PDE10A: variants seen among roughly 807,000 people sequenced by gnomAD.
The protein encoded by PDE10A is phosphodiesterase 10A, also known as cAMP and cAMP-inhibited cGMP 3',5'-cyclic phosphodiesterase 10A.
In PDE10A, 39 loss-of-function variants were observed where a neutral mutation model predicts 97.7. The observed-to-expected ratio is 0.40, with a 90% CI of 0.31 to 0.52. PDE10A has a LOEUF of 0.52. PDE10A is among the 20% of genes least tolerant of loss of function. PDE10A has a pLI of 0.56. For missense variants in PDE10A, 731 were observed against 1,047.8 expected, an observed-to-expected ratio of 0.70 and a Z score of 4.17; for synonymous variants, 371 against 376.8, an observed-to-expected ratio of 0.98 and a Z score of 0.18.
intron 1 of PDE10A, among the ~76,000 whole-genome samples, chr6:165,656,195 C>A (rs1056587593): frequency 1.3e-5 from 2 of 151,234 alleles, no homozygotes; most frequent in Admixed American, 6.6e-5. Flanking sequence ...ATTCTGATAT[C>A]TCTTTTCTCT....
At chr6:165,945,532 G>T (rs1280612767) in intron 1 of PDE10A, among the ~76,000 whole-genome samples, 2 of 152,190 alleles carry the variant, frequency 1.3e-5, no homozygotes, top group South Asian at 2.1e-4. Context: ...GGGTGATTAG[G>T]TCATGAGGGT....
chr6:165,732,989 G>T (rs1018246521), intron 1 of PDE10A, among the ~76,000 whole-genome samples: 4 of 152,222 alleles, frequency 2.6e-5, no homozygotes, highest in African/African-American at 9.6e-5. Flanking sequence ...CAGTTCTCTG[G>T]GATGCCAGTT....
At position 165,343,602 on chromosome 6, in the gene PDE10A, A is replaced by G. The variant is rs559837368; in HGVS notation, c.2784-100T>C. 4.1e-5 allele frequency: 33 copies of G among 805,684 alleles called. No individual in the cohort carries two copies. The East Asian group carries it at 5.2e-4, about 13-fold the overall frequency. 49.9% of individuals were successfully genotyped at this position (805,684 alleles called of 1,614,324 possible). On this transcript the variant is annotated intron_variant, in intron 18 of 21. Coordinates refer to ENST00000539869, the MANE Select transcript of PDE10A (RefSeq NM_001385079.1). Reference sequence around the variant, plus strand: ...TTTCAGGAGTGAAGTTTAAGTATGTATTACTTCATTAAAGAGCACACAGAA... The same window carrying G: ...TTTCAGGAGTGAAGTTTAAGTATGTGTTACTTCATTAAAGAGCACACAGAA...
At chr6:165,947,415 C>T (rs1028977452) in intron 1 of PDE10A, among the ~76,000 whole-genome samples, 2 of 152,256 alleles carry the variant, frequency 1.3e-5, no homozygotes, top group East Asian at 1.9e-4. Flanking sequence ...ATGTCTAGAT[C>T]TGCATTAAAC....
At position 165,656,565 on chromosome 6, in the gene PDE10A, C is replaced by T. The variant is rs115793298; in HGVS notation, c.865+5382G>A. Among the ~76,000 whole-genome samples the T allele has an allele frequency of 8.9e-3, 1,357 of 152,074 alleles. 18 individuals carry two copies. Among genetic ancestry groups the T allele is most frequent in the African/African-American group, 0.03 (1,230 of 41,476 alleles). On this transcript the variant is annotated intron_variant, in intron 1 of 21. Coordinates refer to ENST00000539869, the MANE Select transcript of PDE10A (RefSeq NM_001385079.1). The stretch of plus-strand genomic sequence containing the variant: ...TCTTCCATAGCTGTTTCTATACACT[C>T]GTCTGAGGGGTCATTGTAAAGTATC...
chr6:165,804,880 C>T (rs1303586775), intron 1 of PDE10A, among the ~76,000 whole-genome samples: 1 of 147,396 alleles, frequency 6.8e-6, no homozygotes, highest in African/African-American at 2.5e-5. Flanking sequence ...CGCCAGCGCG[C>T]GGAGGGGAGT....
At chr6:165,634,412 T>TGGTTCCCCTTATGTAAAACAAAG (rs1788779458) in intron 1 of PDE10A, among the ~76,000 whole-genome samples, 1 of 152,212 alleles carries the variant, frequency 6.6e-6, no homozygotes, top group Admixed American at 6.5e-5. Context: ...GCTGTGTGGC[T>TGGTTCCCCTTATGTAAAACAAAG]GGTTCCCCTT....
chr6:165,837,175 T>C (rs1383731850), intron 1 of PDE10A, among the ~76,000 whole-genome samples: 1 of 151,068 alleles, frequency 6.6e-6, no homozygotes, highest in African/African-American at 2.4e-5. Context: ...ATTGTGCACA[T>C]GTACCCTAAA....
At chr6:165,678,317 G>T (rs924543136) in intron 1 of PDE10A, among the ~76,000 whole-genome samples, 3 of 150,994 alleles carry the variant, frequency 2.0e-5, no homozygotes, top group African/African-American at 7.3e-5. Context: ...GCATGTGTGT[G>T]CATATCTTTC....
At chr6:165,908,621 G>A (rs923676137) in intron 1 of PDE10A, among the ~76,000 whole-genome samples, 1 of 152,186 alleles carries the variant, frequency 6.6e-6, no homozygotes, top group African/African-American at 2.4e-5. Flanking sequence ...TGCCAATTCC[G>A]TGTTGTATTG....
chr6:165,612,029 C>T (rs1787516443), intron 1 of PDE10A, among the ~76,000 whole-genome samples: 1 of 152,236 alleles, frequency 6.6e-6, no homozygotes, highest in Admixed American at 6.5e-5. Flanking sequence ...CAAAAGACAA[C>T]TCAAATTTCA....
At chr6:165,466,736 G>A (rs1034022811) in intron 3 of PDE10A, among the ~76,000 whole-genome samples, 2 of 152,070 alleles carry the variant, frequency 1.3e-5, no homozygotes, top group African/African-American at 4.8e-5. Flanking sequence ...CCCTAATCCT[G>A]AGACAAAACA....
chr6:165,861,321 C>T (rs1342450457), intron 1 of PDE10A, among the ~76,000 whole-genome samples: 1 of 151,732 alleles, frequency 6.6e-6, no homozygotes, highest in Non-Finnish European at 1.5e-5. Flanking sequence ...CCTTCCTGCC[C>T]TCTTAAGGCT....
At chr6:165,804,523 G>A (rs1369643789) in intron 1 of PDE10A, among the ~76,000 whole-genome samples, 2 of 152,144 alleles carry the variant, frequency 1.3e-5, no homozygotes, top group Admixed American at 6.5e-5. Context: ...TGTTTGGCGC[G>A]AACCACAGAA....
At chr6:165,924,591 TTC>T (rs1782870359) in intron 1 of PDE10A, among the ~76,000 whole-genome samples, 1 of 152,166 alleles carries the variant, frequency 6.6e-6, no homozygotes, top group African/African-American at 2.4e-5. Flanking sequence ...AATTCATGGT[TTC>T]CATGTTGCAT....
At chr6:165,619,254 CTAGTG>C (rs1251647490) in intron 1 of PDE10A, among the ~76,000 whole-genome samples, 4 of 125,048 alleles carry the variant, frequency 3.2e-5, no homozygotes, top group Non-Finnish European at 1.7e-5. Context: ...GTAGTGTAGT[CTAGTG>C]TAGTGTAGTC....
intron 1 of PDE10A, among the ~76,000 whole-genome samples, chr6:165,801,555 AATTATCCACAG>A (rs1778988023): frequency 6.6e-6 from 1 of 152,180 alleles, no homozygotes; most frequent in South Asian, 2.1e-4. Context: ...AAGAAAAAAA[AATTATCCACAG>A]ATCAACATTT....
intron 1 of PDE10A, among the ~76,000 whole-genome samples, chr6:165,615,211 G>GA (rs67040785): frequency 0.43 from 57,516 of 134,296 alleles, 12,175 homozygotes; most frequent in Middle Eastern, 0.53. Context: ...CTCCATCTCA[G>GA]AAAAAAAAAA....
chr6:165,601,534 T>A (rs1786948957), intron 1 of PDE10A, among the ~76,000 whole-genome samples: 1 of 152,230 alleles, frequency 6.6e-6, no homozygotes, highest in Non-Finnish European at 1.5e-5. Flanking sequence ...TAGACTCCCA[T>A]ACTTTTAAGA....
Sources: gnomAD v4.1 joint callset for allele counts (sites outside exome capture counted in the v4.1 genomes callset) on GRCh38, gnomAD v4.1.1 for gene constraint, MANE v1.5 for transcripts, NCBI Gene and HGNC (gene_info 2026-07-23, HGNC 2026-07-21) for gene names.